GPM6A: variants seen among roughly 807,000 people sequenced by gnomAD.
The protein encoded by GPM6A is neuronal membrane glycoprotein M6-a.
A neutral mutation model predicts 32.1 loss-of-function variants in GPM6A; 7 were observed. The observed-to-expected ratio is 0.22, with a 90% CI of 0.12 to 0.41. The LOEUF is 0.41. Ranked by LOEUF, GPM6A falls within the 10% of genes least tolerant of loss-of-function variation. The pLI is 1.00. For missense variants in GPM6A, 235 were observed against 347.2 expected (o/e 0.68, Z 2.57); for synonymous variants, 130 against 123.4 (o/e 1.05, Z -0.35).
chr4:175,984,355 A>G lies in GPM6A; in HGVS notation c.-23+17954T>C, dbSNP rs185040471. ...TTTTTTTGTATTTTTAGTAGAGACGAGGTTTCACCGTGTCAGCCAGGATGG... is the reference window on the plus strand; with the variant it reads ...TTTTTTTGTATTTTTAGTAGAGACGGGGTTTCACCGTGTCAGCCAGGATGG... On this transcript the variant is annotated intron_variant, in intron 1 of 7. Coordinates refer to the GPM6A transcript ENST00000280187. Among the ~76,000 whole-genome samples, 1,479 of 151,972 alleles carry G rather than the reference A, an allele frequency of 9.7e-3. 17 individuals carry two copies. The highest frequency in any genetic ancestry group is 0.013 in the Non-Finnish European group (884 of 67,908).
At chr4:175,868,145 G>A (rs1473998948) in intron 1 of GPM6A, among the ~76,000 whole-genome samples, 1 of 152,166 alleles carries the variant, frequency 6.6e-6, no homozygotes, top group East Asian at 1.9e-4. Context: ...ATCCTCATGA[G>A]TCTTTGATCT....
At chr4:175,888,930 T>TA (rs1737546333) in intron 1 of GPM6A, among the ~76,000 whole-genome samples, 1 of 152,144 alleles carries the variant, frequency 6.6e-6, no homozygotes, top group Non-Finnish European at 1.5e-5. Context: ...AATATTATGA[T>TA]ACTGCCATAG....
chr4:175,908,252 A>G (rs560713819), intron 1 of GPM6A, among the ~76,000 whole-genome samples: 1 of 152,278 alleles, frequency 6.6e-6, no homozygotes, highest in South Asian at 2.1e-4. Flanking sequence ...TCCACAGCAG[A>G]TGCCCTATTA....
intron 1 of GPM6A, among the ~76,000 whole-genome samples, chr4:175,996,340 A>G (rs965809853): frequency 6.6e-6 from 1 of 152,196 alleles, no homozygotes; most frequent in Non-Finnish European, 1.5e-5. Flanking sequence ...ACCCCTAGTG[A>G]CACTATACCA....
chr4:175,637,088 A>T (rs1378715417), intron 6 of GPM6A, among the ~76,000 whole-genome samples: 1 of 83,374 alleles, frequency 1.2e-5, no homozygotes, highest in Non-Finnish European at 2.2e-5. Context: ...ATAACATATA[A>T]TATATCATAT....
rs528440351 is a variant in GPM6A, at chr4:175,677,819, A to C, written c.231-3983T>G. ...GAGCCTATATTAAAGAAATCCTGAG[A>C]TAAGCATATCACCATATCCAAATGT... On this transcript the variant is annotated intron_variant, in intron 2 of 6. Coordinates refer to ENST00000393658, the MANE Select transcript of GPM6A (RefSeq NM_201591.3). 4.6e-5 allele frequency among the ~76,000 whole-genome samples: 7 copies of C among 152,294 alleles called. No individual in the cohort carries two copies. In the East Asian group the frequency reaches 1.4e-3, roughly 29 times the overall value.
chr4:175,899,112 G>A (rs1019497225), intron 1 of GPM6A, among the ~76,000 whole-genome samples: 1 of 152,206 alleles, frequency 6.6e-6, no homozygotes, highest in African/African-American at 2.4e-5. Flanking sequence ...CACACCCACA[G>A]ACGAATTATT....
chr4:175,735,268 G>A (rs764806609), intron 1 of GPM6A, among the ~76,000 whole-genome samples: 42 of 152,132 alleles, frequency 2.8e-4, no homozygotes, highest in Non-Finnish European at 4.4e-4. Flanking sequence ...TAGATTTTAG[G>A]AGTTTAAAAT....
At chr4:175,826,364 G>A (rs1259000617) in intron 1 of GPM6A, among the ~76,000 whole-genome samples, 1 of 151,484 alleles carries the variant, frequency 6.6e-6, no homozygotes, top group African/African-American at 2.4e-5. Context: ...TCGTGAATTA[G>A]GGACAAGATT....
chr4:175,874,521 A>T (rs1039280341), intron 1 of GPM6A, among the ~76,000 whole-genome samples: 1 of 152,086 alleles, frequency 6.6e-6, no homozygotes, highest in Non-Finnish European at 1.5e-5. Flanking sequence ...ACACTGAGGG[A>T]GCAGAGCCAA....
intron 2 of GPM6A, among the ~76,000 whole-genome samples, chr4:175,688,163 G>A (rs73020155): frequency 0.047 from 7,173 of 152,002 alleles, 199 homozygotes; most frequent in Non-Finnish European, 0.063. Flanking sequence ...TCACTCTGTT[G>A]ACTGTTTCCT....
intron 1 of GPM6A, among the ~76,000 whole-genome samples, chr4:175,750,782 C>T (rs1050267638): frequency 7.2e-4 from 110 of 151,868 alleles, no homozygotes; most frequent in African/African-American, 2.3e-3. Flanking sequence ...CCATGTTGGC[C>T]GGGCTGGTCT....
At chr4:175,736,099 T>A (rs1288850072) in intron 1 of GPM6A, among the ~76,000 whole-genome samples, 1 of 152,160 alleles carries the variant, frequency 6.6e-6, no homozygotes, top group Non-Finnish European at 1.5e-5. Flanking sequence ...AATCATAGCT[T>A]ACTGCAGTCT....
At chr4:175,873,920 T>G (rs1736998647) in intron 1 of GPM6A, among the ~76,000 whole-genome samples, 1 of 152,192 alleles carries the variant, frequency 6.6e-6, no homozygotes, top group Admixed American at 6.5e-5. Context: ...TTTATTAGGG[T>G]GTCTATTTTC....
intron 1 of GPM6A, among the ~76,000 whole-genome samples, chr4:175,745,604 T>A (rs74907839): frequency 0.044 from 6,697 of 152,270 alleles, 188 homozygotes; most frequent in Non-Finnish European, 0.063. Context: ...ATGACACAAA[T>A]GTGTGGTTCA....
At chr4:176,001,465 G>A (rs1741478130) in intron 1 of GPM6A, among the ~76,000 whole-genome samples, 1 of 152,132 alleles carries the variant, frequency 6.6e-6, no homozygotes, top group Non-Finnish European at 1.5e-5. Flanking sequence ...GGGACCCTGC[G>A]TCCTAGTGCT....
intron 1 of GPM6A, among the ~76,000 whole-genome samples, chr4:175,751,997 C>A (rs1223245686): frequency 1.3e-5 from 2 of 152,072 alleles, no homozygotes; most frequent in Admixed American, 1.3e-4. Context: ...GATGTTAGCT[C>A]CTTCTTCCCT....
At position 175,914,333 on chromosome 4, in the gene GPM6A, T is replaced by C. The variant is rs74551240; in HGVS notation, c.-23+87976A>G. On this transcript the variant is annotated intron_variant, in intron 1 of 7. Transcript: ENST00000280187. ...ATCAGCATTTTGTTTTGTTTTGTTTTGTTTTTGAGACAGAGTCTCACTCTA... is the reference window on the plus strand; with the variant it reads ...ATCAGCATTTTGTTTTGTTTTGTTTCGTTTTTGAGACAGAGTCTCACTCTA... Among the ~76,000 whole-genome samples the C allele has an allele frequency of 2.0e-5, 3 of 152,266 alleles. No homozygotes were observed. The East Asian group carries it at 5.8e-4, about 29-fold the overall frequency.
chr4:175,925,675 C>T (rs370531256), intron 1 of GPM6A, among the ~76,000 whole-genome samples: 16 of 152,134 alleles, frequency 1.1e-4, no homozygotes, highest in Admixed American at 1.3e-4. Context: ...GTTCTTAATA[C>T]ATGTATTTGG....
Sources: gnomAD v4.1 joint callset for allele counts (sites outside exome capture counted in the v4.1 genomes callset) on GRCh38, gnomAD v4.1.1 for gene constraint, MANE v1.5 for transcripts, NCBI Gene and HGNC (gene_info 2026-07-23, HGNC 2026-07-21) for gene names.